Variants in PPL observed in about 807,000 individuals in gnomAD.
PPL encodes 190 kDa paraneoplastic pemphigus antigen.
In PPL, 198 loss-of-function variants were observed where a neutral mutation model predicts 194.4. The observed-to-expected ratio is 1.02, with a 90% CI of 0.91 to 1.15. The LOEUF (loss-of-function observed/expected upper bound fraction) is 1.15, where lower values mean the gene tolerates loss of function less well. Ranked by LOEUF, PPL falls within the 50% of genes most tolerant of loss-of-function variation. PPL has a pLI of 0.00. For synonymous variants in PPL, 1,220 were observed against 972.4 expected (o/e 1.25, Z -4.74); for missense variants, 2,885 against 2,294.8 (o/e 1.26, Z -5.25).
At chr16:4,923,802 G>A (rs747000838) in intron 1 of PPL, among the ~76,000 whole-genome samples, 3 of 152,092 alleles carry the variant, frequency 2.0e-5, no homozygotes, top group Admixed American at 6.6e-5. Context: ...AAATGAAAGC[G>A]CTTTGGGTGT....
chr16:4,891,960 C>G lies in PPL; in HGVS notation c.1830-11G>C. The G allele has an allele frequency of 6.2e-7, 1 of 1,611,730 alleles. No individual in the cohort carries two copies. The highest frequency in any genetic ancestry group is 8.5e-7 in the Non-Finnish European group (1 of 1,179,134). On this transcript the variant is annotated splice_polypyrimidine_tract_variant and intron_variant, in intron 15 of 21. Transcript: ENST00000345988. ...TTGGCCACATCAACCCTGAGAGCACCAATCAGGCGTCGGGGGATGCCCACC... is the reference window on the plus strand; with the variant it reads ...TTGGCCACATCAACCCTGAGAGCACGAATCAGGCGTCGGGGGATGCCCACC...
chr16:4,901,147 T>A (rs1160880292), intron 4 of PPL, 58 bp from the exon 5 acceptor site: 1 of 1,592,496 alleles, frequency 6.3e-7, no homozygotes, highest in African/African-American at 1.3e-5. Flanking sequence ...TGGGGACGTG[T>A]GGCCACCCCA....
intron 2 of PPL, among the ~76,000 whole-genome samples, chr16:4,909,507 AC>A (rs1346252133): frequency 6.9e-6 from 1 of 145,068 alleles, no homozygotes; most frequent in African/African-American, 2.6e-5. Flanking sequence ...GCTCACTGCA[AC>A]CTCCGCCTCC....
intron 18 of PPL, among the ~76,000 whole-genome samples, 171 bp from the exon 19 acceptor site, chr16:4,889,232 G>T (rs1353805788): frequency 3.8e-3 from 29 of 7,602 alleles, no homozygotes; most frequent in Admixed American, 0.014. Flanking sequence ...CAGTTTTTTT[G>T]TTGTTGTTGT....
In PPL at chr16:4,900,973, G is replaced by C; in HGVS notation, c.555C>G (p.Asp185Glu). ...CCAGCACACGCCCCACCTTGTCCCC[G>C]TCCTTGGCCAGGTGGGGCCCGATGG... ...VKAIGPHLAK[D>E]GDKEQNSELR... is the part of the protein sequence containing the mutation. Residue 185 changes from aspartate to glutamate, a missense_variant, in exon 5 of 22, where the codon GAC becomes GAG. By Grantham distance (45) the Asp-to-Glu change is conservative (BLOSUM62 2). Coordinates refer to ENST00000345988, the MANE Select transcript of PPL (RefSeq NM_002705.5). 1 of 1,614,094 alleles carries C rather than the reference G, an allele frequency of 6.2e-7. No homozygotes were observed. Among genetic ancestry groups the C allele is most frequent in the Non-Finnish European group, 8.5e-7 (1 of 1,180,014 alleles).
At chr16:4,886,190 G>C in intron 21 of PPL, 143 bp from the exon 22 acceptor site, 4 of 1,047,098 alleles carry the variant, frequency 3.8e-6, no homozygotes, top group Non-Finnish European at 4.1e-6. Context: ...GAGTTCTAGG[G>C]TTACTTTCAA....
At position 4,918,461 on chromosome 16, in the gene PPL, C is replaced by A. The variant is rs536900399; in HGVS notation, c.63-7512G>T. ...AACTCCTAGAGAGCTATTTGTCCTG[C>A]CCACTGCGAAGCAAGTCACATATAT... On this transcript the variant is annotated intron_variant, in intron 1 of 21. Coordinates refer to ENST00000345988, the MANE Select transcript of PPL (RefSeq NM_002705.5). Among the ~76,000 whole-genome samples the A allele has an allele frequency of 6.6e-5, 10 of 152,272 alleles. No homozygotes were observed. In the South Asian group the frequency reaches 2.1e-3, roughly 32 times the overall value.
In PPL at chr16:4,884,058, G is replaced by A. The variant is rs1387842281; in HGVS notation, c.4597C>T (p.Leu1533=). 5 of 1,613,110 alleles carry A rather than the reference G, an allele frequency of 3.1e-6. No homozygotes were observed. In the East Asian group the frequency reaches 6.7e-5, roughly 22 times the overall value. The stretch of plus-strand genomic sequence containing the variant: ...TCCAGCCGGCTCACCTCGACGTCCA[G>A]CTCGCGCTTGCTGCGGCTCTCCTCC... The part of the protein sequence containing the change: ...LEEESRSKRE[L]DVEVSRLEAR... The change falls in exon 22 of 22, where the codon CTG becomes TTG. Residue 1533 remains leucine, a synonymous_variant. Coordinates refer to ENST00000345988, the MANE Select transcript of PPL (RefSeq NM_002705.5). This position sits in a 1 kb window ranked among gnomAD's most constrained non-coding sequence, Gnocchi z 5.7.
rs1217406567 is a variant in PPL, at chr16:4,904,021, T to A, written c.182A>T (p.Glu61Val). Residue 61 changes from glutamate (E) to valine (V), a missense_variant, in exon 3 of 22, where the codon GAG becomes GTG. Transcript: ENST00000345988. ...KMQSDLARLQ[E>V]GRQPEHRDVT... ...GTCCCGGTGCTCAGGCTGCCGACCC[T>A]CCTGCAGCCGAGCCAGGTCCTGTGA... The A allele has an allele frequency of 7.4e-6, 12 of 1,612,116 alleles. No homozygotes were observed. Among genetic ancestry groups the A allele is most frequent in the African/African-American group, 1.3e-5 (1 of 74,846 alleles).
chr16:4,920,504 T>C (rs146323630), intron 1 of PPL, among the ~76,000 whole-genome samples: 4 of 152,068 alleles, frequency 2.6e-5, no homozygotes, highest in Admixed American at 2.6e-4. Flanking sequence ...TGCTCTGTTG[T>C]CCAGGCTGCA....
rs2089180266 is a variant in PPL, at chr16:4,927,971, T to C, written c.62+9013A>G. ...AATAAATAAAATTAGCTGGGCATGG[T>C]TGTGCATGCCTCTAGTCCTGGCTGC... On this transcript the variant is annotated intron_variant, in intron 1 of 21. Transcript: ENST00000345988. Among the ~76,000 whole-genome samples the C allele has an allele frequency of 2.6e-5, 4 of 152,258 alleles. No homozygotes were observed. In the South Asian group the frequency reaches 8.3e-4, roughly 32 times the overall value.
chr16:4,899,498 A>ATGGGTGGCCTGAGGACAAGCCCAGCTG lies in PPL; in HGVS notation c.607-115_607-114insCAGCTGGGCTTGTCCTCAGGCCACCCA, dbSNP rs2088508435. On this transcript the variant is annotated intron_variant, in intron 6 of 21. Transcript: ENST00000345988. ...GGCTGGCCTGAGGACAAGCCCAGCT[A>ATGGGTGGCCTGAGGACAAGCCCAGCTG]TGGGTGGCCTGAGGACAAGCCCAGC... 9.1e-6 allele frequency: 13 copies of ATGGGTGGCCTGAGGACAAGCCCAGCTG among 1,428,826 alleles called. No homozygotes were observed. In the Admixed American group the frequency reaches 3.3e-4, roughly 36 times the overall value. The allele number at this position is 1,428,826 out of a possible 1,614,324, so 88.5% of individuals were successfully genotyped here.
Position 4,897,786 on chromosome 16 carries a change from G to C in PPL, c.877-16C>G. On this transcript the variant is annotated splice_polypyrimidine_tract_variant and intron_variant, in intron 8 of 21. Coordinates refer to ENST00000345988, the MANE Select transcript of PPL (RefSeq NM_002705.5). The stretch of plus-strand genomic sequence containing the variant: ...CCATGTGCGCCTGCCAGGAAGAGAA[G>C]GGGCCGGTCACCACTGGGCAGGTAC... 6.2e-7 allele frequency: 1 copy of C among 1,609,512 alleles called. No homozygotes were observed. The highest frequency in any genetic ancestry group is 8.5e-7 in the Non-Finnish European group (1 of 1,176,608).
rs1314486005 is a variant in PPL, at chr16:4,897,781, G to A, written c.877-11C>T. On this transcript the variant is annotated splice_polypyrimidine_tract_variant and intron_variant, in intron 8 of 21. Transcript: ENST00000345988. ...AGCCTCCATGTGCGCCTGCCAGGAA[G>A]AGAAGGGGCCGGTCACCACTGGGCA... The A allele has an allele frequency of 2.5e-6, 4 of 1,611,352 alleles. No individual in the cohort carries two copies. Among genetic ancestry groups the A allele is most frequent in the African/African-American group, 1.3e-5 (1 of 74,898 alleles).
At chr16:4,907,054 G>C (rs139532505) in intron 2 of PPL, among the ~76,000 whole-genome samples, 2 of 144,296 alleles carry the variant, frequency 1.4e-5, no homozygotes, top group Non-Finnish European at 3.0e-5. Context: ...AGACCAGCCC[G>C]GGCAATATAG....
chr16:4,921,020 G>T (rs1040147759), intron 1 of PPL, among the ~76,000 whole-genome samples: 1 of 152,208 alleles, frequency 6.6e-6, no homozygotes, highest in Admixed American at 6.5e-5. Context: ...TGACGCTGTG[G>T]GTCAGGGGCT....
intron 1 of PPL, among the ~76,000 whole-genome samples, chr16:4,925,751 T>C (rs534310968): frequency 2.0e-5 from 3 of 152,182 alleles, no homozygotes; most frequent in South Asian, 2.1e-4. Context: ...GGTGCCAAGA[T>C]TCGAACCCAT....
intron 8 of PPL, 133 bp downstream of exon 8, chr16:4,898,880 A>G: frequency 2.9e-6 from 2 of 690,948 alleles, no homozygotes; most frequent in Non-Finnish European, 2.5e-6. Flanking sequence ...ACAGCAAGAA[A>G]GAGACAGACA....
At position 4,900,943 on chromosome 16, in the gene PPL, C is replaced by G. The variant is rs377300424; in HGVS notation, c.564+21G>C. On this transcript the variant is annotated intron_variant, in intron 5 of 21. Coordinates refer to ENST00000345988, the MANE Select transcript of PPL (RefSeq NM_002705.5). The stretch of plus-strand genomic sequence containing the variant: ...GGCCCCCTCCATCCCTGGGTCCCCA[C>G]CACACCAGCACACGCCCCACCTTGT... 2.5e-5 allele frequency: 40 copies of G among 1,613,968 alleles called. No homozygotes were observed. The African/African-American group carries it at 4.7e-4, about 19-fold the overall frequency.
Sources: allele counts gnomAD v4.1 joint callset (sites outside exome capture counted in the v4.1 genomes callset), GRCh38; gene constraint gnomAD v4.1.1; non-coding constraint Gnocchi (gnomAD v3.1); transcripts MANE v1.5; gene names NCBI Gene and HGNC (gene_info 2026-07-23, HGNC 2026-07-21).